Variants in DST observed in about 807,000 individuals in gnomAD.
DST encodes the protein bullous pemphigoid antigen.
DST carries 253 observed loss-of-function variants against 875.2 expected under a neutral mutation model. The ratio of observed to expected loss-of-function variants is 0.29; its 90% CI spans 0.26 to 0.32. The LOEUF (loss-of-function observed/expected upper bound fraction) is 0.32. DST is among the 10% of genes least tolerant of loss of function. The pLI is 1.00. For missense variants in DST, 8,287 were observed against 9,111.6 expected (o/e 0.91, Z 3.68); for synonymous variants, 3,124 against 3,197.1 (o/e 0.98, Z 0.77).
chr6:56,590,902 A>G (rs2152682930), intron 49 of DST, among the ~76,000 whole-genome samples: 1 of 152,308 alleles, frequency 6.6e-6, no homozygotes, highest in South Asian at 2.1e-4. Flanking sequence ...AGCTTTCCAG[A>G]GTTGTCAATC....
chr6:56,785,568 C>T (rs1162950943), intron 4 of DST, among the ~76,000 whole-genome samples: 2 of 152,178 alleles, frequency 1.3e-5, no homozygotes, highest in African/African-American at 2.4e-5. Context: ...ATTGGAAAAG[C>T]GCAGTATTCG....
intron 4 of DST, among the ~76,000 whole-genome samples, chr6:56,751,538 C>T (rs150035675): frequency 3.0e-3 from 458 of 152,104 alleles, no homozygotes; most frequent in African/African-American, 0.011. Flanking sequence ...AAATGTGTGA[C>T]ACTACTGCTG....
chr6:56,529,426 A>G, intron 66 of DST, 22 bp downstream of exon 66: 1 of 1,417,630 alleles, frequency 7.1e-7, no homozygotes, highest in Non-Finnish European at 9.3e-7. Context: ...AAAATAAGAT[A>G]AAATAAAATA....
chr6:56,934,170 C>T (rs560193676), intron 2 of DST, among the ~76,000 whole-genome samples: 1 of 152,152 alleles, frequency 6.6e-6, no homozygotes, highest in South Asian at 2.1e-4. Flanking sequence ...ATCTTTCTAG[C>T]GATTGCCTTC....
intron 4 of DST, among the ~76,000 whole-genome samples, chr6:56,754,814 T>C (rs753711105): frequency 1.3e-5 from 2 of 152,172 alleles, no homozygotes; most frequent in African/African-American, 2.4e-5. Context: ...AAACTAGATA[T>C]GGATAAAGTA....
At chr6:56,551,725 G>C (rs2097327298) in intron 61 of DST, among the ~76,000 whole-genome samples, 1 of 152,128 alleles carries the variant, frequency 6.6e-6, no homozygotes. Flanking sequence ...AAAAATATGA[G>C]CTTTTAGAAG....
intron 3 of DST, among the ~76,000 whole-genome samples, chr6:56,897,812 G>C (rs1013547088): frequency 2.6e-5 from 4 of 152,076 alleles, no homozygotes; most frequent in Admixed American, 1.3e-4. Context: ...CACGAGCTAA[G>C]AGAGCAGTAT....
intron 2 of DST, among the ~76,000 whole-genome samples, chr6:56,932,810 G>C (rs567736480): frequency 1.8e-4 from 27 of 151,394 alleles, no homozygotes; most frequent in African/African-American, 6.1e-4. Flanking sequence ...ACTTCTTAGG[G>C]GTCTGTGGGT....
chr6:56,710,094 T>C (rs1419499456), intron 5 of DST, among the ~76,000 whole-genome samples: 1 of 152,112 alleles, frequency 6.6e-6, no homozygotes, highest in Admixed American at 6.5e-5. Context: ...CTCTGACCAA[T>C]ATAAAAGCTT....
chr6:56,907,896 G>A (rs1443168788), intron 2 of DST, among the ~76,000 whole-genome samples: 1 of 151,970 alleles, frequency 6.6e-6, no homozygotes, highest in Non-Finnish European at 1.5e-5. Flanking sequence ...TTCAGCCTGG[G>A]CAACATGGTC....
At chr6:56,878,155 T>C (rs540699072) in intron 3 of DST, among the ~76,000 whole-genome samples, 7 of 152,298 alleles carry the variant, frequency 4.6e-5, no homozygotes, top group African/African-American at 1.4e-4. Context: ...ATCACCACTC[T>C]AAGAGGGTAG....
At chr6:56,477,311 T>C (rs770675362) in intron 91 of DST, 34 bp downstream of exon 91, 4 of 1,602,612 alleles carry the variant, frequency 2.5e-6, no homozygotes, top group Non-Finnish European at 3.4e-6. Flanking sequence ...CTCAAAGCTA[T>C]TGCTACTCTG....
intron 93 of DST, 111 bp downstream of exon 93, chr6:56,473,762 T>A (rs2095024853): frequency 1.0e-6 from 1 of 966,530 alleles, no homozygotes; most frequent in East Asian, 2.7e-5. Flanking sequence ...TTTCATGATA[T>A]CAAGTGCTCA....
chr6:56,861,273 C>G (rs1265608830), intron 3 of DST, among the ~76,000 whole-genome samples: 1 of 152,196 alleles, frequency 6.6e-6, no homozygotes, highest in East Asian at 1.9e-4. Flanking sequence ...TCCCACTGCC[C>G]TCTTCTGAGG....
intron 4 of DST, among the ~76,000 whole-genome samples, chr6:56,757,128 A>G (rs2099606087): frequency 6.6e-6 from 1 of 152,236 alleles, no homozygotes; most frequent in South Asian, 2.1e-4. Context: ...AGGACTTCAA[A>G]CAATGCAACT....
chr6:56,546,340 C>CATATTTCATATATATATATATAT (rs2097219083), intron 61 of DST, among the ~76,000 whole-genome samples: 1 of 86,144 alleles, frequency 1.2e-5, no homozygotes, highest in African/African-American at 4.1e-5. Flanking sequence ...GAAATATATA[C>CATATTTCATATATATATATATAT]ATATTTCATA....
intron 10 of DST, among the ~76,000 whole-genome samples, chr6:56,651,963 G>C (rs575507316): frequency 6.6e-6 from 1 of 152,324 alleles, no homozygotes; most frequent in East Asian, 1.9e-4. Context: ...CTGTAATAAA[G>C]AATGATATAT....
chr6:56,869,780 G>C (rs143933968), intron 3 of DST, among the ~76,000 whole-genome samples: 3,220 of 152,128 alleles, frequency 0.021, 62 homozygotes, highest in Middle Eastern at 0.071. Flanking sequence ...AACCTCCCAG[G>C]CTGAAACGAG....
At chr6:56,845,219 C>A (rs140934270) in intron 4 of DST, among the ~76,000 whole-genome samples, 1 of 152,338 alleles carries the variant, frequency 6.6e-6, no homozygotes, top group Non-Finnish European at 1.5e-5. Flanking sequence ...TTGTCTAAAT[C>A]TTCCTTCCCT....
Sources: allele counts gnomAD v4.1 joint callset (sites outside exome capture counted in the v4.1 genomes callset), GRCh38; gene constraint gnomAD v4.1.1; transcripts MANE v1.5; gene names NCBI Gene and HGNC (gene_info 2026-07-23, HGNC 2026-07-21).